ARHGEF6: variants seen among roughly 807,000 people sequenced by gnomAD.
The protein encoded by ARHGEF6 is Rac/Cdc42 guanine nucleotide exchange factor 6.
ARHGEF6 carries 9 observed loss-of-function variants against 70.3 expected under a neutral mutation model. The ratio of observed to expected loss-of-function variants is 0.13; its 90% CI spans 0.08 to 0.22. ARHGEF6 has a LOEUF of 0.22. Ranked by LOEUF, ARHGEF6 falls within the 10% of genes least tolerant of loss-of-function variation. The probability of loss-of-function intolerance (pLI) is 1.00; values close to 1 mark genes in which losing one functional copy is unlikely to be tolerated. For missense variants in ARHGEF6, 470 were observed against 563.0 expected, an observed-to-expected ratio of 0.83 and a Z score of 1.67; for synonymous variants, 201 against 207.8, an observed-to-expected ratio of 0.97 and a Z score of 0.28.
intron 2 of ARHGEF6, among the ~76,000 whole-genome samples, chrX:136,754,034 T>C (rs1418533112): frequency 9.0e-6 from 1 of 111,315 alleles, no homozygotes; most frequent in Non-Finnish European, 1.9e-5. Flanking sequence ...TCCATGGAGC[T>C]CCTATGACAG....
At chrX:136,764,268 T>C (rs1266581767) in intron 2 of ARHGEF6, among the ~76,000 whole-genome samples, 1 of 111,657 alleles carries the variant, frequency 9.0e-6, no homozygotes, top group Non-Finnish European at 1.9e-5. Flanking sequence ...GCAGTGACAC[T>C]GTAATGCATA....
intron 9 of ARHGEF6, among the ~76,000 whole-genome samples, chrX:136,693,864 T>G (rs1341113890): frequency 9.0e-6 from 1 of 111,103 alleles, no homozygotes; most frequent in Non-Finnish European, 1.9e-5. Context: ...CACCAGCCCT[T>G]CGGGGGAAAT....
At position 136,699,507 on chromosome X, in the gene ARHGEF6, A is replaced by T. The variant is rs185805753; in HGVS notation, c.1046+7401T>A. 2.2e-3 allele frequency among the ~76,000 whole-genome samples: 248 copies of T among 112,087 alleles called. 1 individual carries two copies. Among genetic ancestry groups the T allele is most frequent in the African/African-American group, 4.6e-3 (141 of 30,925 alleles). ...AAGTCATCACACTATAGTCATAATTAAAAAAATACTGAACAAACTGAAAAT... is the reference window on the plus strand; with the variant it reads ...AAGTCATCACACTATAGTCATAATTTAAAAAATACTGAACAAACTGAAAAT... On this transcript the variant is annotated intron_variant, in intron 9 of 21. Transcript: ENST00000250617.
intron 2 of ARHGEF6, among the ~76,000 whole-genome samples, chrX:136,757,886 A>G (rs1434959723): frequency 9.0e-6 from 1 of 111,482 alleles, no homozygotes; most frequent in Non-Finnish European, 1.9e-5. Flanking sequence ...TCTAAAATTC[A>G]AACAGGTATG....
At position 136,743,638 on chromosome X, in the gene ARHGEF6, T is replaced by C. The variant is rs751473214; in HGVS notation, c.608A>G (p.Asn203Ser). The C allele has an allele frequency of 2.5e-6, 3 of 1,212,198 alleles. No individual in the cohort carries two copies. Among genetic ancestry groups the C allele is most frequent in the East Asian group, 5.9e-5 (2 of 33,856 alleles). Residue 203 changes from asparagine to serine, a missense_variant, in exon 5 of 22, where the codon AAT becomes AGT. By Grantham distance (46) the Asn-to-Ser change is conservative. This residue lies in a region of ARHGEF6 where 379 missense variants were observed against 449.3 expected (regional missense o/e 0.84). Coordinates refer to ENST00000250617, the MANE Select transcript of ARHGEF6 (RefSeq NM_004840.3). The stretch of plus-strand genomic sequence containing the variant: ...ACTGGGGAACCAGCCTGTTCTCCCA[T>C]TTAATGTGCCTTCCCACCAGCCTCC... The part of the protein sequence containing the change: ...EEGGWWEGTL[N>S]GRTGWFPSNY...
intron 21 of ARHGEF6, 94 bp downstream of exon 21, chrX:136,669,388 T>A: frequency 1.2e-6 from 1 of 840,150 alleles, no homozygotes; most frequent in Non-Finnish European, 1.8e-6. Flanking sequence ...CCTCGCTACC[T>A]TGCTCCTAGG....
intron 2 of ARHGEF6, among the ~76,000 whole-genome samples, chrX:136,754,802 C>T (rs1273321781): frequency 9.0e-6 from 1 of 111,096 alleles, no homozygotes; most frequent in African/African-American, 3.3e-5. Context: ...CGGGCTCCCA[C>T]CCCTCCTCCT....
intron 11 of ARHGEF6, 58 bp downstream of exon 11, chrX:136,687,874 G>A (rs771649091): frequency 2.7e-5 from 27 of 983,085 alleles, no homozygotes; most frequent in Non-Finnish European, 3.3e-5. Context: ...CACACAAATC[G>A]CTCTTTCAGG....
At chrX:136,727,829 C>T (rs964705550) in intron 6 of ARHGEF6, among the ~76,000 whole-genome samples, 5 of 111,280 alleles carry the variant, frequency 4.5e-5, no homozygotes, top group African/African-American at 9.8e-5. Flanking sequence ...CCACCACACC[C>T]GTATGTCTGT....
intron 6 of ARHGEF6, among the ~76,000 whole-genome samples, chrX:136,727,413 CTT>C (rs35066883): frequency 0.014 from 1,301 of 89,745 alleles, 29 homozygotes; most frequent in East Asian, 0.053. Flanking sequence ...CTCTCTCTCT[CTT>C]TCTTTCTTTC....
chrX:136,668,804 AG>A (rs2076191034), intron 21 of ARHGEF6, among the ~76,000 whole-genome samples: 1 of 110,543 alleles, frequency 9.0e-6, no homozygotes, highest in African/African-American at 3.3e-5. Context: ...ATCTCCATGA[AG>A]GGGCACCACC....
At chrX:136,727,446 ATTCTTTCTTTCC>A (rs1691153949) in intron 6 of ARHGEF6, among the ~76,000 whole-genome samples, 3 of 39,100 alleles carry the variant, frequency 7.7e-5, no homozygotes, top group African/African-American at 3.1e-4. Flanking sequence ...TCTTTCTTTC[ATTCTTTCTTTCC>A]TTCTTTCTTT....
At chrX:136,704,957 A>C (rs994786715) in intron 9 of ARHGEF6, among the ~76,000 whole-genome samples, 1 of 112,276 alleles carries the variant, frequency 8.9e-6, no homozygotes, top group Non-Finnish European at 1.9e-5. Context: ...GGAGAAAATG[A>C]AACCCTCATA....
Position 136,737,687 on chromosome X carries a change from T to TAA in ARHGEF6, c.662-5517_662-5516dup, listed in dbSNP as rs745975738. On this transcript the variant is annotated intron_variant, in intron 5 of 21. Transcript: ENST00000250617. The stretch of plus-strand genomic sequence containing the variant: ...TGGGCAACATAGTGAGATCCCGTGT[T>TAA]AAAAAAAAAAAAAGACAGAGAGAGA... Among the ~76,000 whole-genome samples, 204 of 92,053 alleles carry TAA rather than the reference T, an allele frequency of 2.2e-3. 2 individuals are homozygous for TAA. The highest frequency in any genetic ancestry group is 7.9e-3 in the African/African-American group (196 of 24,913). The allele number at this position is 92,053 out of a possible 115,157, so 79.9% of individuals were successfully genotyped here.
chrX:136,704,583 T>C (rs1200482452), intron 9 of ARHGEF6, among the ~76,000 whole-genome samples: 3 of 111,493 alleles, frequency 2.7e-5, no homozygotes, highest in Non-Finnish European at 5.7e-5. Flanking sequence ...CTTACAATCA[T>C]GGTGGAAGGA....
At chrX:136,681,833 C>A in intron 14 of ARHGEF6, 57 bp downstream of exon 14, 1 of 1,019,112 alleles carries the variant, frequency 9.8e-7, no homozygotes, top group Non-Finnish European at 1.4e-6. Context: ...TTATTAAATT[C>A]CCCTTCATTC....
chrX:136,770,517 G>A (rs1308933796), intron 2 of ARHGEF6, among the ~76,000 whole-genome samples: 1 of 111,902 alleles, frequency 8.9e-6, no homozygotes, highest in Non-Finnish European at 1.9e-5. Context: ...TGTACCAGAG[G>A]TTCCAGCCAG....
intron 6 of ARHGEF6, among the ~76,000 whole-genome samples, chrX:136,727,432 T>C (rs980404950): frequency 7.9e-5 from 8 of 101,885 alleles, no homozygotes; most frequent in African/African-American, 2.9e-4. Flanking sequence ...TTTCTTTCCT[T>C]CTTTCTTTCT....
At chrX:136,711,945 T>A (rs149124573) in intron 7 of ARHGEF6, among the ~76,000 whole-genome samples, 215 of 112,831 alleles carry the variant, frequency 1.9e-3, no homozygotes, top group African/African-American at 6.8e-3. Flanking sequence ...TTTTTCATAC[T>A]GAAGTAGATT....
Sources: gnomAD v4.1 joint callset for allele counts (sites outside exome capture counted in the v4.1 genomes callset) on GRCh38, gnomAD v4.1.1 for gene constraint, gnomAD v4.1.1 regional missense constraint, MANE v1.5 for transcripts, NCBI Gene and HGNC (gene_info 2026-07-23, HGNC 2026-07-21) for gene names.